Variants in CNTNAP2 observed in about 807,000 individuals in gnomAD.
The protein encoded by CNTNAP2 is contactin-associated protein-like 2.
CNTNAP2 carries 98 observed loss-of-function variants against 155.2 expected under a neutral mutation model. That is an observed-to-expected ratio of 0.63 (90% CI 0.54 to 0.75). The LOEUF is 0.75. CNTNAP2 is among the 30% of genes least tolerant of loss of function. CNTNAP2 has a pLI of 0.00. For missense variants in CNTNAP2, 1,727 were observed against 1,688.1 expected (o/e 1.02, Z -0.40); for synonymous variants, 651 against 631.2 (o/e 1.03, Z -0.47).
chr7:146,483,328 T>TATATACAC (rs1459820598), intron 1 of CNTNAP2, among the ~76,000 whole-genome samples: 1 of 81,558 alleles, frequency 1.2e-5, no homozygotes, highest in Non-Finnish European at 2.3e-5. Flanking sequence ...TATATATATA[T>TATATACAC]ACATATATAT....
At chr7:148,093,068 G>C (rs1803881103) in intron 15 of CNTNAP2, among the ~76,000 whole-genome samples, 1 of 151,734 alleles carries the variant, frequency 6.6e-6, no homozygotes, top group South Asian at 2.1e-4. Flanking sequence ...ATAGGGTTTA[G>C]ATAAAAATAA....
intron 3 of CNTNAP2, among the ~76,000 whole-genome samples, chr7:146,884,912 G>C (rs998070829): frequency 6.6e-6 from 1 of 152,072 alleles, no homozygotes; most frequent in Non-Finnish European, 1.5e-5. Flanking sequence ...AATTTTTACA[G>C]CTCTCAATGT....
At chr7:146,758,803 C>T (rs1802036049) in intron 1 of CNTNAP2, among the ~76,000 whole-genome samples, 1 of 152,146 alleles carries the variant, frequency 6.6e-6, no homozygotes, top group African/African-American at 2.4e-5. Context: ...GAAATCATAT[C>T]ACCGCCTACA....
At chr7:146,516,601 A>G (rs1360580744) in intron 1 of CNTNAP2, among the ~76,000 whole-genome samples, 2 of 151,906 alleles carry the variant, frequency 1.3e-5, no homozygotes, top group Non-Finnish European at 2.9e-5. Flanking sequence ...TTATTAGTCT[A>G]TGTCTGTAAT....
At chr7:147,335,975 G>T (rs964254777) in intron 9 of CNTNAP2, among the ~76,000 whole-genome samples, 4 of 152,146 alleles carry the variant, frequency 2.6e-5, no homozygotes, top group African/African-American at 9.7e-5. Context: ...GGATGAGTGA[G>T]ATGGACTAAG....
chr7:148,161,014 T>A (rs1263351417), intron 17 of CNTNAP2, among the ~76,000 whole-genome samples: 3 of 152,180 alleles, frequency 2.0e-5, no homozygotes, highest in Non-Finnish European at 2.9e-5. Flanking sequence ...TGACCCAATA[T>A]CCCAACCCAC....
intron 3 of CNTNAP2, among the ~76,000 whole-genome samples, chr7:146,982,471 C>G (rs1798036512): frequency 6.6e-6 from 1 of 152,108 alleles, no homozygotes; most frequent in African/African-American, 2.4e-5. Context: ...CAGTCTTGCT[C>G]ATGTTTAGCA....
At chr7:146,681,608 A>AGGG (rs1186177343) in intron 1 of CNTNAP2, among the ~76,000 whole-genome samples, 1 of 61,122 alleles carries the variant, frequency 1.6e-5, no homozygotes, top group African/African-American at 6.6e-5. Context: ...GGGGTGGGAA[A>AGGG]GGGGAGAGTG....
At chr7:147,223,605 T>C (rs1229866965) in intron 8 of CNTNAP2, among the ~76,000 whole-genome samples, 2 of 152,280 alleles carry the variant, frequency 1.3e-5, no homozygotes, top group African/African-American at 4.8e-5. Flanking sequence ...AGCCAGTTAT[T>C]CCTTATCTCA....
intron 1 of CNTNAP2, among the ~76,000 whole-genome samples, chr7:146,432,415 G>T (rs1027514895): frequency 6.6e-6 from 1 of 151,990 alleles, no homozygotes; most frequent in Non-Finnish European, 1.5e-5. Flanking sequence ...TATATTTTTT[G>T]ATCATTCAGA....
At chr7:147,338,847 G>A (rs1322822464) in intron 9 of CNTNAP2, among the ~76,000 whole-genome samples, 1 of 151,770 alleles carries the variant, frequency 6.6e-6, no homozygotes, top group East Asian at 1.9e-4. Context: ...AAGGACAGGG[G>A]CCAAACAGAA....
intron 16 of CNTNAP2, among the ~76,000 whole-genome samples, chr7:148,119,252 G>A (rs888164864): frequency 1.6e-4 from 25 of 151,966 alleles, no homozygotes; most frequent in South Asian, 6.2e-4. Flanking sequence ...GGCCAGGCAC[G>A]GTGGCTCACG....
chr7:146,599,278 A>G (rs1337970709), intron 1 of CNTNAP2, among the ~76,000 whole-genome samples: 1 of 152,102 alleles, frequency 6.6e-6, no homozygotes, highest in African/African-American at 2.4e-5. Flanking sequence ...TATTAGAGAC[A>G]CATTGTGTCT....
At chr7:147,361,946 C>T (rs977480553) in intron 9 of CNTNAP2, among the ~76,000 whole-genome samples, 4 of 152,148 alleles carry the variant, frequency 2.6e-5, no homozygotes, top group African/African-American at 9.7e-5. Flanking sequence ...GAGCTGGAAT[C>T]ACCTGACAGC....
At position 147,929,838 on chromosome 7, in the gene CNTNAP2, G is replaced by A. The variant is rs576916122; in HGVS notation, c.2255+26117G>A. 4.5e-4 allele frequency among the ~76,000 whole-genome samples: 68 copies of A among 152,276 alleles called. 1 individual carries two copies. The highest frequency in any genetic ancestry group is 1.5e-3 in the African/African-American group (64 of 41,560). ...TTTTTCTATGGACCAGGGTTGGTGG[G>A]GGATGGTTTGGGGACAAAACTGTTC... On this transcript the variant is annotated intron_variant, in intron 14 of 23. Coordinates refer to ENST00000361727, the MANE Select transcript of CNTNAP2 (RefSeq NM_014141.6).
At chr7:147,910,052 G>A (rs1800034552) in intron 14 of CNTNAP2, among the ~76,000 whole-genome samples, 1 of 152,110 alleles carries the variant, frequency 6.6e-6, no homozygotes, top group African/African-American at 2.4e-5. Flanking sequence ...GCAGCTGAGG[G>A]GAGTTAACTA....
At chr7:148,053,038 C>T (rs897491865) in intron 15 of CNTNAP2, among the ~76,000 whole-genome samples, 1 of 152,120 alleles carries the variant, frequency 6.6e-6, no homozygotes, top group Admixed American at 6.5e-5. Flanking sequence ...CAGAGCTAGA[C>T]TCCGTCTCAA....
chr7:146,944,334 C>A (rs1194871568), intron 3 of CNTNAP2, among the ~76,000 whole-genome samples: 1 of 151,208 alleles, frequency 6.6e-6, no homozygotes, highest in Admixed American at 6.6e-5. Context: ...GTTCAAAGAT[C>A]AACTGTAGAT....
At chr7:147,974,641 A>G (rs1410805844) in intron 14 of CNTNAP2, among the ~76,000 whole-genome samples, 1 of 152,128 alleles carries the variant, frequency 6.6e-6, no homozygotes, top group Non-Finnish European at 1.5e-5. Context: ...GAAAATAATA[A>G]TAATAATAAA....
Sources: gnomAD v4.1 joint callset for allele counts (sites outside exome capture counted in the v4.1 genomes callset) on GRCh38, gnomAD v4.1.1 for gene constraint, MANE v1.5 for transcripts, NCBI Gene and HGNC (gene_info 2026-07-23, HGNC 2026-07-21) for gene names.